MBTD1: variants seen among roughly 807,000 people sequenced by gnomAD.
The protein encoded by MBTD1 is MBT domain-containing protein 1.
MBTD1 carries 24 observed loss-of-function variants against 87.8 expected under a neutral mutation model. The ratio of observed to expected loss-of-function variants is 0.27; its 90% confidence interval spans 0.20 to 0.38. MBTD1 has a LOEUF of 0.38. Among genes scored for constraint, MBTD1 ranks in the 10% least tolerant of loss-of-function variants. The pLI is 1.00. For missense variants in MBTD1, 436 were observed against 760.2 expected (o/e 0.57, Z 5.02); for synonymous variants, 237 against 248.6 (o/e 0.95, Z 0.44).
At chr17:51,182,770 T>C (rs1453052704) in intron 16 of MBTD1, among the ~76,000 whole-genome samples, 1 of 152,190 alleles carries the variant, frequency 6.6e-6, no homozygotes, top group Non-Finnish European at 1.5e-5. Context: ...ATATGGGGTG[T>C]AAATTGGAAA....
chr17:51,216,833 CTCAT>C (rs1468196604), intron 6 of MBTD1, among the ~76,000 whole-genome samples: 2 of 152,102 alleles, frequency 1.3e-5, no homozygotes, highest in African/African-American at 4.8e-5. Context: ...ATCCTCCTGC[CTCAT>C]TCTCCCAAGT....
At chr17:51,255,490 CACAT>C (rs778354448) in intron 2 of MBTD1, among the ~76,000 whole-genome samples, 6 of 151,844 alleles carry the variant, frequency 4.0e-5, no homozygotes, top group Admixed American at 2.0e-4. Context: ...ATGGGTTAAA[CACAT>C]ACAGATACAC....
chr17:51,241,978 T>C (rs1333283193), intron 2 of MBTD1, among the ~76,000 whole-genome samples: 1 of 152,224 alleles, frequency 6.6e-6, no homozygotes, highest in Admixed American at 6.5e-5. Flanking sequence ...CATTCTGACA[T>C]GCCTCTATCA....
chr17:51,204,044 G>T, intron 7 of MBTD1, 119 bp from the exon 8 acceptor site: 1 of 775,966 alleles, frequency 1.3e-6, no homozygotes, highest in Non-Finnish European at 2.1e-6. Flanking sequence ...TGCAGGGTTT[G>T]TTAACAGACA....
At chr17:51,245,562 C>G (rs1172689296) in intron 2 of MBTD1, among the ~76,000 whole-genome samples, 1 of 151,588 alleles carries the variant, frequency 6.6e-6, no homozygotes, top group African/African-American at 2.4e-5. Context: ...GCATGAAGAA[C>G]AGTTCTAATA....
At chr17:51,260,541 G>A (rs1309724220), upstream of MBTD1, 2 of 1,574,690 alleles carry the variant, frequency 1.3e-6, no homozygotes, top group Non-Finnish European at 1.7e-6. Flanking sequence ...CGCATGCGCA[G>A]CGAGGTTCCA....
intron 4 of MBTD1, among the ~76,000 whole-genome samples, chr17:51,219,971 TC>T (rs948222193): frequency 9.9e-5 from 15 of 151,970 alleles, no homozygotes; most frequent in African/African-American, 3.6e-4. Context: ...TTAAATTATT[TC>T]CCCCCAAATG....
At chr17:51,238,736 G>C (rs182750353) in intron 2 of MBTD1, among the ~76,000 whole-genome samples, 2 of 152,172 alleles carry the variant, frequency 1.3e-5, no homozygotes, top group Admixed American at 6.5e-5. Context: ...ACAGTGACTG[G>C]CTGGGAAGCT....
intron 2 of MBTD1, among the ~76,000 whole-genome samples, chr17:51,241,090 T>C (rs1382514986): frequency 1.3e-5 from 2 of 152,082 alleles, no homozygotes; most frequent in East Asian, 3.9e-4. Context: ...GCAATCCTTT[T>C]GCTTCGGCCT....
chr17:51,222,757 G>GT (rs1032826985), intron 3 of MBTD1, among the ~76,000 whole-genome samples: 1 of 152,008 alleles, frequency 6.6e-6, no homozygotes, highest in Admixed American at 6.6e-5. Flanking sequence ...GATAAATGAA[G>GT]TTTTTTGATA....
chr17:51,209,413 G>A, intron 6 of MBTD1: 1 of 471,180 alleles, frequency 2.1e-6, no homozygotes, highest in Non-Finnish European at 4.4e-6. Context: ...AGGGCTATCT[G>A]GGAGCGACTC....
chr17:51,184,633 A>G (rs1162131752), intron 16 of MBTD1: 2 of 152,238 alleles, frequency 1.3e-5, no homozygotes, highest in Non-Finnish European at 2.9e-5. Flanking sequence ...GGGTTTTGCC[A>G]GTGCCAGAAG....
chr17:51,218,659 C>T (rs2052717344), intron 5 of MBTD1, among the ~76,000 whole-genome samples: 1 of 151,670 alleles, frequency 6.6e-6, no homozygotes, highest in Non-Finnish European at 1.5e-5. Flanking sequence ...AATATCTTCA[C>T]AATTCAAAGA....
intron 14 of MBTD1, 88 bp from the exon 15 acceptor site, chr17:51,193,104 G>C: frequency 1.2e-6 from 1 of 804,646 alleles, no homozygotes; most frequent in South Asian, 1.7e-5. Context: ...AAACAGAAGC[G>C]ACTAGCTAAA....
intron 2 of MBTD1, among the ~76,000 whole-genome samples, chr17:51,231,440 T>C (rs2053545023): frequency 1.1e-5 from 1 of 91,632 alleles, no homozygotes; most frequent in South Asian, 4.2e-4. Flanking sequence ...AAGCTGTTAG[T>C]ATTTTTTTTT....
intron 2 of MBTD1, among the ~76,000 whole-genome samples, chr17:51,228,517 T>G (rs936908236): frequency 7.2e-6 from 1 of 139,164 alleles, no homozygotes; most frequent in African/African-American, 2.7e-5. Flanking sequence ...AAGACAAAAC[T>G]AATATTGCTA....
Position 51,259,966 on chromosome 17 carries a change from G to T in MBTD1, c.-244C>A. 1 of 1,008,864 alleles carries T rather than the reference G, an allele frequency of 9.9e-7. No individual in the cohort carries two copies. The allele number at this position is 1,008,864 out of a possible 1,614,324, so 62.5% of individuals were successfully genotyped here. A position where few individuals can be genotyped will look rare whatever the true frequency, so the allele number is the denominator to read the frequency against. On this transcript the variant is annotated 5_prime_UTR_variant, in exon 1 of 17. Transcript: ENST00000586178. Reference sequence around the variant, plus strand: ...ACTGCGGCGACTACAGGGGGCCCCCGGCTGGGCCCAGACCGGTGGCGGGTG... The same window carrying T: ...ACTGCGGCGACTACAGGGGGCCCCCTGCTGGGCCCAGACCGGTGGCGGGTG...
At chr17:51,248,746 T>C (rs1436174078) in intron 2 of MBTD1, among the ~76,000 whole-genome samples, 1 of 152,224 alleles carries the variant, frequency 6.6e-6, no homozygotes, top group African/African-American at 2.4e-5. Context: ...CAGCTTACCC[T>C]TTCTTCATCC....
intron 16 of MBTD1, among the ~76,000 whole-genome samples, chr17:51,182,514 T>C (rs919815463): frequency 6.6e-6 from 1 of 152,144 alleles, no homozygotes; most frequent in East Asian, 1.9e-4. Flanking sequence ...GTAGATAGAC[T>C]TGGAAACATA....
Sources: allele counts gnomAD v4.1 joint callset (sites outside exome capture counted in the v4.1 genomes callset), GRCh38; gene constraint gnomAD v4.1.1; transcripts MANE v1.5; gene names NCBI Gene and HGNC (gene_info 2026-07-23, HGNC 2026-07-21).